The following ZBTB17 variants were observed in gnomAD, a reference collection of about 807,000 sequenced individuals.
ZBTB17 encodes zinc finger and BTB domain containing 17, also known as zinc finger and BTB domain-containing protein 17.
Under a neutral mutation model 85.1 loss-of-function variants are expected in ZBTB17, and 24 were observed. The ratio of observed to expected loss-of-function variants is 0.28; its 90% CI spans 0.20 to 0.40. The LOEUF (loss-of-function observed/expected upper bound fraction) is 0.40, where lower values mean the gene tolerates loss of function less well. Among genes scored for constraint, ZBTB17 ranks in the 10% least tolerant of loss-of-function variants. ZBTB17 has a pLI of 1.00. For missense variants in ZBTB17, 743 were observed against 1,105.1 expected, an observed-to-expected ratio of 0.67 and a Z score of 4.65; for synonymous variants, 464 against 460.2, an observed-to-expected ratio of 1.01 and a Z score of -0.11.
chr1:15,943,052 G>T lies in ZBTB17; in HGVS notation c.1828+12C>A. ...CTGGGAAGGAACAGGCATGGTAGGG[G>T]CCACAGCTCACCAGTGTGAATGATG... is the stretch of plus-strand genomic sequence containing the variant. On this transcript the variant is annotated intron_variant, in intron 13 of 15. Transcript: ENST00000375743. 1 of 1,614,004 alleles carries T rather than the reference G, an allele frequency of 6.2e-7. No individual in the cohort carries two copies. The highest frequency in any genetic ancestry group is 8.5e-7 in the Non-Finnish European group (1 of 1,179,934).
At chr1:15,947,586 G>A (rs2071662648) in intron 3 of ZBTB17, among the ~76,000 whole-genome samples, 2 of 151,372 alleles carry the variant, frequency 1.3e-5, no homozygotes, top group African/African-American at 4.9e-5. Context: ...CCTGGATGAG[G>A]ACAGAGGTGT....
At chr1:15,950,786 T>G (rs766631997) in intron 2 of ZBTB17, among the ~76,000 whole-genome samples, 1 of 152,040 alleles carries the variant, frequency 6.6e-6, no homozygotes, top group African/African-American at 2.4e-5. Context: ...GGAAGAGACA[T>G]GTGAGGAGAC....
intron 2 of ZBTB17, among the ~76,000 whole-genome samples, chr1:15,962,870 G>T (rs1172643663): frequency 2.0e-5 from 3 of 152,172 alleles, no homozygotes; most frequent in Non-Finnish European, 4.4e-5. Flanking sequence ...GAGGCCGGGA[G>T]TTCAAGGCTG....
chr1:15,944,247 G>A (rs1372039545), intron 9 of ZBTB17, 53 bp downstream of exon 9: 2 of 1,545,164 alleles, frequency 1.3e-6, no homozygotes, highest in Non-Finnish European at 1.7e-6. Context: ...GCATGCATGC[G>A]GCTGCGGCCA....
At chr1:15,942,843 G>A (rs2071420410) in intron 13 of ZBTB17, 105 bp from the exon 14 acceptor site, 1 of 1,435,488 alleles carries the variant, frequency 7.0e-7, no homozygotes, top group South Asian at 1.3e-5. Context: ...TTTTACAGCA[G>A]GAGGTGCTCT....
At chr1:15,963,296 G>A (rs566196003) in intron 2 of ZBTB17, among the ~76,000 whole-genome samples, 2 of 152,104 alleles carry the variant, frequency 1.3e-5, no homozygotes, top group Non-Finnish European at 2.9e-5. Context: ...AAAATGATAA[G>A]ACATCTTTTA....
chr1:15,947,701 T>C (rs2071670145), intron 3 of ZBTB17, among the ~76,000 whole-genome samples: 1 of 152,170 alleles, frequency 6.6e-6, no homozygotes. Context: ...AACCTGACTT[T>C]CATCAGGGCT....
intron 1 of ZBTB17, among the ~76,000 whole-genome samples, chr1:15,974,277 C>T (rs772376985): frequency 2.7e-5 from 4 of 150,056 alleles, no homozygotes; most frequent in Non-Finnish European, 5.9e-5. Flanking sequence ...CCTCAGCCTT[C>T]CAAGAAGCTG....
chr1:15,974,494 G>T (rs2072788949), intron 1 of ZBTB17, among the ~76,000 whole-genome samples: 1 of 151,644 alleles, frequency 6.6e-6, no homozygotes, highest in East Asian at 1.9e-4. Flanking sequence ...TTCTTAAATG[G>T]CTTCCCATTA....
At chr1:15,965,113 CAAA>C (rs879579087) in intron 2 of ZBTB17, among the ~76,000 whole-genome samples, 5 of 61,810 alleles carry the variant, frequency 8.1e-5, no homozygotes, top group Middle Eastern at 8.3e-3. Flanking sequence ...GACTCCGTAT[CAAA>C]AAAAAAAAAA....
chr1:15,956,042 G>C (rs2072033787), intron 2 of ZBTB17, among the ~76,000 whole-genome samples: 1 of 152,240 alleles, frequency 6.6e-6, no homozygotes, highest in African/African-American at 2.4e-5. Flanking sequence ...AGAATCCACT[G>C]TGCTAGTACG....
Position 15,976,086 on chromosome 1 carries a change from G to C in ZBTB17, c.-193C>G. On this transcript the variant is annotated 5_prime_UTR_variant, in exon 1 of 16. Transcript: ENST00000375743. ...CAAAGGGCGCCGCCATGTTAGAGTC[G>C]GGCGGAACCGACCTCGCAGGCTTCC... is the stretch of plus-strand genomic sequence containing the variant. 1.5e-6 allele frequency: 1 copy of C among 681,972 alleles called. No homozygotes were observed. Among genetic ancestry groups the C allele is most frequent in the South Asian group, 1.5e-5 (1 of 65,642 alleles). The allele number at this position is 681,972 out of a possible 1,614,324, so 42.2% of individuals were successfully genotyped here. A position where few individuals can be genotyped will look rare whatever the true frequency, so the allele number is the denominator to read the frequency against.
At chr1:15,969,533 G>A (rs2072564953) in intron 2 of ZBTB17, 2 of 350,698 alleles carry the variant, frequency 5.7e-6, no homozygotes, top group Admixed American at 3.7e-5. Flanking sequence ...AGGCAGTAGT[G>A]TGGGGACTCC....
intron 1 of ZBTB17, among the ~76,000 whole-genome samples, chr1:15,975,579 C>G (rs1343320224): frequency 6.6e-6 from 1 of 152,236 alleles, no homozygotes; most frequent in African/African-American, 2.4e-5. Flanking sequence ...CGCTCCCTCC[C>G]GCCCCGGCCG....
At chr1:15,950,177 C>T (rs968104148) in intron 2 of ZBTB17, among the ~76,000 whole-genome samples, 11 of 152,232 alleles carry the variant, frequency 7.2e-5, no homozygotes, top group Non-Finnish European at 2.9e-5. Context: ...CAGCAGCACA[C>T]GGCCACCTGG....
chr1:15,975,349 G>A (rs1473085967), intron 1 of ZBTB17, among the ~76,000 whole-genome samples: 1 of 152,160 alleles, frequency 6.6e-6, no homozygotes, highest in Non-Finnish European at 1.5e-5. Context: ...GTCACAGCAG[G>A]GAATGGGGAT....
chr1:15,944,754 T>A lies in ZBTB17; in HGVS notation c.1013A>T (p.Glu338Val). 1 of 1,612,820 alleles carries A rather than the reference T, an allele frequency of 6.2e-7. No individual in the cohort carries two copies. The highest frequency in any genetic ancestry group is 1.1e-5 in the South Asian group (1 of 91,060). ...HTGEKPFSCR[E>V]CSKAFSDPAA... ...CGGGTCGGAAAAGGCCTTGCTGCAC[T>A]CCCGGCACGAGAAGGGCTTCTCCCC... Residue 338 changes from glutamate to valine, a missense_variant, in exon 8 of 16, where the codon GAG becomes GTG. By Grantham distance (121) the Glu-to-Val change is moderately radical (BLOSUM62 -2). Transcript: ENST00000375743.
At chr1:15,968,117 TGAGAAAC>T (rs952335891) in intron 2 of ZBTB17, among the ~76,000 whole-genome samples, 17 of 152,264 alleles carry the variant, frequency 1.1e-4, no homozygotes, top group African/African-American at 4.1e-4. Flanking sequence ...GTGTCAAGGT[TGAGAAAC>T]CCTGCTATAC....
chr1:15,943,645 C>T lies in ZBTB17; in HGVS notation c.1530G>A (p.Gln510=), dbSNP rs1219489866. The T allele has an allele frequency of 6.2e-7, 1 of 1,613,260 alleles. No individual in the cohort carries two copies. The highest frequency in any genetic ancestry group is 8.5e-7 in the Non-Finnish European group (1 of 1,179,952). Residue 510 remains glutamine, a synonymous_variant, in exon 11 of 16, where the codon CAG becomes CAA. Transcript: ENST00000375743. ...GCTGCAGAGCGCCGGGGTCTGCAAA[C>T]TGTCGCTGGCAGTGGATGCACACGT... ...KPYVCIHCQR[Q]FADPGALQRH... is the part of the protein sequence containing the mutation.
Sources: allele counts gnomAD v4.1 joint callset (sites outside exome capture counted in the v4.1 genomes callset), GRCh38; gene constraint gnomAD v4.1.1; transcripts MANE v1.5; gene names NCBI Gene and HGNC (gene_info 2026-07-23, HGNC 2026-07-21).